Variants in RAB11FIP4 observed in about 807,000 individuals in gnomAD.
RAB11FIP4 encodes the protein rab11 family-interacting protein 4.
A neutral mutation model predicts 74.3 loss-of-function variants in RAB11FIP4; 23 were observed. The ratio of observed to expected loss-of-function variants is 0.31; its 90% CI spans 0.22 to 0.44. The LOEUF (loss-of-function observed/expected upper bound fraction) is 0.44. Ranked by LOEUF, RAB11FIP4 falls within the 20% of genes least tolerant of loss-of-function variation. RAB11FIP4 has a pLI of 1.00. For missense variants in RAB11FIP4, 630 were observed against 863.9 expected, an observed-to-expected ratio of 0.73 and a Z score of 3.39; for synonymous variants, 360 against 359.9, an observed-to-expected ratio of 1.00 and a Z score of 0.00.
intron 1 of RAB11FIP4, among the ~76,000 whole-genome samples, chr17:31,415,392 GT>G (rs2071137632): frequency 6.6e-6 from 1 of 152,174 alleles, no homozygotes; most frequent in South Asian, 2.1e-4. Flanking sequence ...CGGAAGAGAG[GT>G]TGAGTAATTC....
intron 3 of RAB11FIP4, among the ~76,000 whole-genome samples, chr17:31,505,439 T>TATATTAATAATTATTCTATA (rs1567680951): frequency 1.1e-5 from 1 of 91,284 alleles, no homozygotes; most frequent in African/African-American, 4.6e-5. Flanking sequence ...ATAATTATTA[T>TATATTAATAATTATTCTATA]ATAATATATA....
intron 7 of RAB11FIP4, 178 bp downstream of exon 7, chr17:31,522,573 G>A: frequency 1.6e-6 from 1 of 608,934 alleles, no homozygotes; most frequent in Non-Finnish European, 2.9e-6. Flanking sequence ...AAAAAGAGGG[G>A]CCAGCTCCTC....
intron 1 of RAB11FIP4, among the ~76,000 whole-genome samples, chr17:31,417,795 C>G (rs1416513243): frequency 6.6e-6 from 1 of 152,160 alleles, no homozygotes; most frequent in African/African-American, 2.4e-5. Flanking sequence ...ATTGCCAGAT[C>G]TGATTTTTCA....
intron 13 of RAB11FIP4, 119 bp from the exon 14 acceptor site, chr17:31,530,207 C>T (rs2142833641): frequency 7.5e-7 from 1 of 1,331,622 alleles, no homozygotes; most frequent in Non-Finnish European, 1.1e-6. Context: ...CCAGCCGTGA[C>T]ACACACCTGT....
intron 3 of RAB11FIP4, among the ~76,000 whole-genome samples, chr17:31,460,607 A>G (rs2071624949): frequency 6.6e-6 from 1 of 152,150 alleles, no homozygotes; most frequent in Admixed American, 6.6e-5. Flanking sequence ...TTTTCTGGCA[A>G]AGAACCATTA....
chr17:31,521,497 G>A, intron 5 of RAB11FIP4, 137 bp downstream of exon 5: 1 of 792,392 alleles, frequency 1.3e-6, no homozygotes, highest in Non-Finnish European at 2.0e-6. Context: ...CTGCTCCTGG[G>A]GCTTGGGGTT....
At chr17:31,462,619 T>C (rs2071644255) in intron 3 of RAB11FIP4, among the ~76,000 whole-genome samples, 2 of 152,242 alleles carry the variant, frequency 1.3e-5, no homozygotes, top group South Asian at 2.1e-4. Flanking sequence ...CCATCTTCTA[T>C]TTTTTCTTCT....
At chr17:31,517,914 C>A in intron 4 of RAB11FIP4, 37 bp downstream of exon 4, 2 of 1,498,526 alleles carry the variant, frequency 1.3e-6, no homozygotes, top group Non-Finnish European at 9.1e-7. Flanking sequence ...TATTTGCCCT[C>A]TCAGCCCAGA....
At chr17:31,492,686 T>TC (rs1444442474) in intron 3 of RAB11FIP4, among the ~76,000 whole-genome samples, 6 of 152,276 alleles carry the variant, frequency 3.9e-5, no homozygotes, top group African/African-American at 1.4e-4. Flanking sequence ...TGGCAGTCCT[T>TC]CCCCAAGTGT....
At chr17:31,496,846 T>C (rs1317920170) in intron 3 of RAB11FIP4, among the ~76,000 whole-genome samples, 4 of 152,326 alleles carry the variant, frequency 2.6e-5, no homozygotes, top group Non-Finnish European at 5.9e-5. Context: ...GTGTTGTCCA[T>C]GGGGTGCTGG....
At chr17:31,478,335 C>T (rs1303955880) in intron 3 of RAB11FIP4, among the ~76,000 whole-genome samples, 1 of 152,102 alleles carries the variant, frequency 6.6e-6, no homozygotes, top group Admixed American at 6.6e-5. Context: ...CTGCCTTCCG[C>T]GCGTGTTGGG....
At chr17:31,406,815 C>T (rs1042757658) in intron 1 of RAB11FIP4, among the ~76,000 whole-genome samples, 1 of 152,066 alleles carries the variant, frequency 6.6e-6, no homozygotes, top group African/African-American at 2.4e-5. Flanking sequence ...TCCTCTTTCT[C>T]TCTGTTAATC....
chr17:31,465,262 GTCC>G (rs150593978), intron 3 of RAB11FIP4, among the ~76,000 whole-genome samples: 3,505 of 152,212 alleles, frequency 0.023, 105 homozygotes, highest in African/African-American at 0.08. Flanking sequence ...GGACTCCAAA[GTCC>G]TCCTCAACCA....
chr17:31,414,185 C>T (rs2071126067), intron 1 of RAB11FIP4, among the ~76,000 whole-genome samples: 1 of 152,236 alleles, frequency 6.6e-6, no homozygotes, highest in Non-Finnish European at 1.5e-5. Context: ...TCAGCAATGT[C>T]TGCCTCCAGA....
chr17:31,455,784 C>T (rs1189630919), intron 3 of RAB11FIP4, among the ~76,000 whole-genome samples: 2 of 152,214 alleles, frequency 1.3e-5, no homozygotes, highest in East Asian at 3.8e-4. Context: ...TCAAGGGAAA[C>T]TTTAATCTAG....
chr17:31,528,389 G>A lies in RAB11FIP4; in HGVS notation c.1357-17G>A. 1 of 1,609,846 alleles carries A rather than the reference G, an allele frequency of 6.2e-7. No homozygotes were observed. Among genetic ancestry groups the A allele is most frequent in the Non-Finnish European group, 8.5e-7 (1 of 1,179,182 alleles). On this transcript the variant is annotated splice_polypyrimidine_tract_variant and intron_variant, in intron 11 of 14. Transcript: ENST00000621161. Reference sequence around the variant, plus strand: ...CTCTGGGAACTCTCCTCCCCTGATCGGGTCTCCCTGCTCCAGGAGCGGCAG... The same window carrying A: ...CTCTGGGAACTCTCCTCCCCTGATCAGGTCTCCCTGCTCCAGGAGCGGCAG...
chr17:31,502,850 C>T (rs1433023209), intron 3 of RAB11FIP4, among the ~76,000 whole-genome samples: 2 of 152,128 alleles, frequency 1.3e-5, no homozygotes, highest in East Asian at 3.8e-4. Flanking sequence ...TGTCAGCAGG[C>T]TTGGTTTCTT....
chr17:31,485,404 G>A (rs963160592), intron 3 of RAB11FIP4, among the ~76,000 whole-genome samples: 3 of 152,194 alleles, frequency 2.0e-5, no homozygotes, highest in Admixed American at 1.3e-4. Context: ...GGGACAGGGA[G>A]GGGGCTTGAC....
intron 1 of RAB11FIP4, among the ~76,000 whole-genome samples, chr17:31,411,133 G>A (rs781208513): frequency 1.3e-5 from 2 of 152,196 alleles, no homozygotes; most frequent in African/African-American, 2.4e-5. Flanking sequence ...GGAGGCCGAG[G>A]CGGGTGGATT....
Sources: gnomAD v4.1 joint callset for allele counts (sites outside exome capture counted in the v4.1 genomes callset) on GRCh38, gnomAD v4.1.1 for gene constraint, MANE v1.5 for transcripts, NCBI Gene and HGNC (gene_info 2026-07-23, HGNC 2026-07-21) for gene names.